Variants in SEC61A2 observed in about 807,000 individuals in gnomAD.
The protein encoded by SEC61A2 is protein transport protein Sec61 subunit alpha isoform 2.
In SEC61A2, 28 loss-of-function variants were observed where a neutral mutation model predicts 59.9. That is an observed-to-expected ratio of 0.47 (90% CI 0.35 to 0.64). The LOEUF is 0.64. Ranked by LOEUF, SEC61A2 falls within the 30% of genes least tolerant of loss-of-function variation. SEC61A2 has a pLI of 0.01. For missense variants in SEC61A2, 340 were observed against 585.9 expected (o/e 0.58, Z 4.33); for synonymous variants, 202 against 214.4 (o/e 0.94, Z 0.50).
In SEC61A2 at chr10:12,164,172, C is replaced by A. The variant is rs565760785; in HGVS notation, c.1245-96C>A. ...TCTGGAGTTCAGGGAGGCTTTAGAC[C>A]CAGCTATGGCTGCTGCGCCTCGACC... On this transcript the variant is annotated intron_variant, in intron 11 of 11. Transcript: ENST00000298428. The surrounding 1 kb of genome is among the most constrained non-coding windows in gnomAD (Gnocchi z 7.3). 2.1e-6 allele frequency: 3 copies of A among 1,431,886 alleles called. No homozygotes were observed. The highest frequency in any genetic ancestry group is 2.8e-6 in the Non-Finnish European group (3 of 1,055,684). The allele number at this position is 1,431,886 out of a possible 1,614,324, so 88.7% of individuals were successfully genotyped here. A position where few individuals can be genotyped will look rare whatever the true frequency, so the allele number is the denominator to read the frequency against.
rs1834636285 is a variant in SEC61A2 at position 12,165,144 on chromosome 10, T to TCTAA, written c.*693_*696dup. The TCTAA allele has an allele frequency of 2.0e-6, 2 of 985,520 alleles. No homozygotes were observed. Among genetic ancestry groups the TCTAA allele is most frequent in the Admixed American group, 6.1e-5 (1 of 16,266 alleles). 61.0% of individuals were successfully genotyped at this position (985,520 alleles called of 1,614,324 possible). On this transcript the variant is annotated 3_prime_UTR_variant, in exon 12 of 12. Coordinates refer to ENST00000298428, the MANE Select transcript of SEC61A2 (RefSeq NM_018144.4). ...CTGTTTGCCTGTATTGGCTATGCCTTCTAACTCCAACCAGTCACTTGAGAA... is the reference window on the plus strand; with the variant it reads ...CTGTTTGCCTGTATTGGCTATGCCTTCTAACTAACTCCAACCAGTCACTTGAGAA...
At chr10:12,131,682 CTTTTT>C (rs1199525836) in intron 1 of SEC61A2, among the ~76,000 whole-genome samples, 295 of 46,512 alleles carry the variant, frequency 6.3e-3, no homozygotes, top group Non-Finnish European at 0.01. Context: ...GATTACATAC[CTTTTT>C]TTTTTTTTTT....
At chr10:12,139,355 ATAG>A (rs1833957113) in intron 3 of SEC61A2, among the ~76,000 whole-genome samples, 1 of 150,978 alleles carries the variant, frequency 6.6e-6, no homozygotes, top group African/African-American at 2.4e-5. Context: ...GATTATTTTA[ATAG>A]TAGTCATCTT....
At chr10:12,134,112 T>G (rs1351747739) in intron 2 of SEC61A2, among the ~76,000 whole-genome samples, 1 of 152,244 alleles carries the variant, frequency 6.6e-6, no homozygotes, top group African/African-American at 2.4e-5. Flanking sequence ...GTTCACGCCA[T>G]TCTCCTGCCT....
chr10:12,159,395 T>A (rs1834480227), intron 9 of SEC61A2, among the ~76,000 whole-genome samples: 1 of 152,120 alleles, frequency 6.6e-6, no homozygotes, highest in African/African-American at 2.4e-5. Context: ...CCTCTTAAAA[T>A]TATAGATTTT....
rs998133986 is a variant in SEC61A2, at chr10:12,164,209, C to T, written c.1245-59C>T. 3 of 1,590,092 alleles carry T rather than the reference C, an allele frequency of 1.9e-6. No individual in the cohort carries two copies. Among genetic ancestry groups the T allele is most frequent in the African/African-American group, 2.7e-5 (2 of 73,732 alleles). On this transcript the variant is annotated intron_variant, in intron 11 of 11. Transcript: ENST00000298428. The surrounding 1 kb of genome is among the most constrained non-coding windows in gnomAD (Gnocchi z 7.3). ...GCTGCGCCTCGACCTGTCTTCGTCT[C>T]TAGCTGCCGTGCTGTTCCTGGTCTC...
In SEC61A2 at chr10:12,158,500, G is replaced by A. The variant is rs1428373133; in HGVS notation, c.975+395G>A. 2.0e-5 allele frequency among the ~76,000 whole-genome samples: 3 copies of A among 152,160 alleles called. No individual in the cohort carries two copies. The highest frequency in any genetic ancestry group is 2.9e-5 in the Non-Finnish European group (2 of 68,020). On this transcript the variant is annotated intron_variant, in intron 9 of 11. Transcript: ENST00000298428. This position sits in a 1 kb window ranked among gnomAD's most constrained non-coding sequence, Gnocchi z 5.7. The stretch of plus-strand genomic sequence containing the variant: ...AATCCCAGGACTTTGGGAGGCTGAG[G>A]TGGGTGGATCACCTGAGGTCAGGAG...
In SEC61A2 at chr10:12,162,422, A is replaced by C. The variant is rs1026843042; in HGVS notation, c.1244+133A>C. On this transcript the variant is annotated intron_variant, in intron 11 of 11. Coordinates refer to ENST00000298428, the MANE Select transcript of SEC61A2 (RefSeq NM_018144.4). This position sits in a 1 kb window ranked among gnomAD's most constrained non-coding sequence, Gnocchi z 6.1. ...TCACACAGATGAATCAAAATTTCACACAAAACTTGTTTTCCATGTCAAAAC... is the reference window on the plus strand; with the variant it reads ...TCACACAGATGAATCAAAATTTCACCCAAAACTTGTTTTCCATGTCAAAAC... 3.5e-6 allele frequency: 3 copies of C among 865,750 alleles called. No homozygotes were observed. Among genetic ancestry groups the C allele is most frequent in the Admixed American group, 1.7e-5 (1 of 58,978 alleles). The allele number at this position is 865,750 out of a possible 1,614,324, so 53.6% of individuals were successfully genotyped here.
rs151233171 is a variant in SEC61A2, at chr10:12,152,159, C to CT, written c.462+2199dup. On this transcript the variant is annotated intron_variant, in intron 6 of 11. Transcript: ENST00000298428. The surrounding 1 kb of genome is among the most constrained non-coding windows in gnomAD (Gnocchi z 5.5). ...AGTGCAGTGGTGCAATCTTGGCTCA[C>CT]TGCAACCTCCGCCTCCCAGGTTCAA... Among the ~76,000 whole-genome samples, 1,963 of 151,850 alleles carry CT rather than the reference C, an allele frequency of 0.013. 39 individuals carry two copies. Among genetic ancestry groups the CT allele is most frequent in the African/African-American group, 0.045 (1,849 of 41,380 alleles).
chr10:12,161,044 T>C lies in SEC61A2; in HGVS notation c.1090T>C (p.Tyr364His). ...IFEDPVHVVV[Y>H]IIFMLGSCAF... The stretch of plus-strand genomic sequence containing the variant: ...TGAGGATCCTGTCCATGTCGTTGTT[T>C]ATATCATCTTCATGTTGGGGTCATG... The change falls in exon 10 of 12, where the codon TAT (tyrosine) becomes CAT (histidine). Residue 364 changes from tyrosine (Y) to histidine (H), a missense_variant. Around this residue, in one of 3 missense-constraint regions of SEC61A2, gnomAD observed 283 missense variants for 483.2 expected, o/e 0.59. Coordinates refer to ENST00000298428, the MANE Select transcript of SEC61A2 (RefSeq NM_018144.4). This position sits in a 1 kb window ranked among gnomAD's most constrained non-coding sequence, Gnocchi z 5.4. 1 of 1,614,150 alleles carries C rather than the reference T, an allele frequency of 6.2e-7. No homozygotes were observed. Among genetic ancestry groups the C allele is most frequent in the Non-Finnish European group, 8.5e-7 (1 of 1,179,972 alleles).
rs576210293 is a variant in SEC61A2 at position 12,161,568 on chromosome 10, C to G, written c.1167+447C>G. Among the ~76,000 whole-genome samples, 1 of 152,076 alleles carries G rather than the reference C, an allele frequency of 6.6e-6. No homozygotes were observed. The highest frequency in any genetic ancestry group is 2.4e-5 in the African/African-American group (1 of 41,440). On this transcript the variant is annotated intron_variant, in intron 10 of 11. Coordinates refer to ENST00000298428, the MANE Select transcript of SEC61A2 (RefSeq NM_018144.4). This position sits in a 1 kb window ranked among gnomAD's most constrained non-coding sequence, Gnocchi z 5.4. ...CCATCCTGGTCAGCATGGTAAAACCCTTTCTCTACTAAAAATACAAAAATT... is the reference window on the plus strand; with the variant it reads ...CCATCCTGGTCAGCATGGTAAAACCGTTTCTCTACTAAAAATACAAAAATT...
At position 12,158,743 on chromosome 10, in the gene SEC61A2, CAA is replaced by C; in HGVS notation, c.975+643_975+644del. On this transcript the variant is annotated intron_variant, in intron 9 of 11. Coordinates refer to ENST00000298428, the MANE Select transcript of SEC61A2 (RefSeq NM_018144.4). This position sits in a 1 kb window ranked among gnomAD's most constrained non-coding sequence, Gnocchi z 5.7. Reference sequence around the variant, plus strand: ...AGACTCCGTCTCCAAAAAATAAAAACAAAAAATGCTATTTGCTGCTGCTAACA... The same window carrying C: ...AGACTCCGTCTCCAAAAAATAAAAACAAAATGCTATTTGCTGCTGCTAACA... Among the ~76,000 whole-genome samples, 1 of 151,302 alleles carries C rather than the reference CAA, an allele frequency of 6.6e-6. No homozygotes were observed. The highest frequency in any genetic ancestry group is 1.5e-5 in the Non-Finnish European group (1 of 67,546).
chr10:12,165,227 T>C lies in SEC61A2; in HGVS notation c.*773T>C. 1.0e-6 allele frequency: 1 copy of C among 985,452 alleles called. No individual in the cohort carries two copies. The highest frequency in any genetic ancestry group is 1.2e-6 in the Non-Finnish European group (1 of 829,934). The allele number at this position is 985,452 out of a possible 1,614,324, so 61.0% of individuals were successfully genotyped here. ...TCTGTTTAAATCCCTAAAGCAAAGA[T>C]CTAATTCTCAAGCAATGTCTGTAGT... On this transcript the variant is annotated 3_prime_UTR_variant, in exon 12 of 12. Transcript: ENST00000298428.
chr10:12,133,240 G>T lies in SEC61A2; in HGVS notation c.8-1G>T. The T allele has an allele frequency of 6.8e-7, 1 of 1,460,444 alleles. No homozygotes were observed. Among genetic ancestry groups the T allele is most frequent in the Non-Finnish European group, 9.5e-7 (1 of 1,052,580 alleles). 90.5% of individuals were successfully genotyped at this position (1,460,444 alleles called of 1,614,324 possible). ...AACATTTATTATTTTTCTTTTTACA[G>T]TCAAATTTTTAGAAGTTATCAAACC... On this transcript the variant is annotated splice_acceptor_variant, in intron 1 of 11. Coordinates refer to ENST00000298428, the MANE Select transcript of SEC61A2 (RefSeq NM_018144.4). LOFTEE classifies it high-confidence loss of function.
At position 12,153,601 on chromosome 10, in the gene SEC61A2, G is replaced by T; in HGVS notation, c.463-2177G>T. 1 of 886,198 alleles carries T rather than the reference G, an allele frequency of 1.1e-6. No individual in the cohort carries two copies. The highest frequency in any genetic ancestry group is 3.0e-5 in the East Asian group (1 of 33,896). 54.9% of individuals were successfully genotyped at this position (886,198 alleles called of 1,614,324 possible). On this transcript the variant is annotated intron_variant, in intron 6 of 11. Transcript: ENST00000298428. The surrounding 1 kb of genome is among the most constrained non-coding windows in gnomAD (Gnocchi z 5.2). ...AGTCCAAGAATGAAACAAGTGAAGT[G>T]GATGTACACTGATTCATTTACATGA...
At chr10:12,135,277 G>A (rs562438749) in intron 2 of SEC61A2, among the ~76,000 whole-genome samples, 1 of 151,892 alleles carries the variant, frequency 6.6e-6, no homozygotes, top group East Asian at 1.9e-4. Context: ...TAACAAACCG[G>A]CACGTTCAGC....
rs1834463762 is a variant in SEC61A2 at position 12,158,753 on chromosome 10, T to C, written c.975+648T>C. ...TCCAAAAAATAAAAACAAAAAATGC[T>C]ATTTGCTGCTGCTAACATGTGAGAT... On this transcript the variant is annotated intron_variant, in intron 9 of 11. Coordinates refer to ENST00000298428, the MANE Select transcript of SEC61A2 (RefSeq NM_018144.4). The surrounding 1 kb of genome is among the most constrained non-coding windows in gnomAD (Gnocchi z 5.7). Among the ~76,000 whole-genome samples, 1 of 151,954 alleles carries C rather than the reference T, an allele frequency of 6.6e-6. No individual in the cohort carries two copies. The highest frequency in any genetic ancestry group is 2.1e-4 in the South Asian group (1 of 4,814).
chr10:12,134,962 A>C (rs1455731971), intron 2 of SEC61A2, among the ~76,000 whole-genome samples: 1 of 151,998 alleles, frequency 6.6e-6, no homozygotes, highest in Non-Finnish European at 1.5e-5. Flanking sequence ...ATAGTACTTC[A>C]AAAAGGGGCA....
chr10:12,167,854 AAGGACAAAAC>A (rs1410934322), downstream of SEC61A2: 19 of 1,609,990 alleles, frequency 1.2e-5, no homozygotes, highest in Non-Finnish European at 1.6e-5. Flanking sequence ...GCCGTTAAGG[AAGGACAAAAC>A]ATCTTATTCA....
Sources: gnomAD v4.1 joint callset for allele counts (sites outside exome capture counted in the v4.1 genomes callset) on GRCh38, gnomAD v4.1.1 for gene constraint, gnomAD v4.1.1 regional missense constraint, Gnocchi (gnomAD v3.1) non-coding constraint, MANE v1.5 for transcripts, NCBI Gene and HGNC (gene_info 2026-07-23, HGNC 2026-07-21) for gene names.